KIT: variants seen among roughly 807,000 people sequenced by gnomAD.
KIT encodes KIT proto-oncogene, receptor tyrosine kinase.
A neutral mutation model predicts 105.7 loss-of-function variants in KIT; 16 were observed. The observed-to-expected ratio is 0.15, with a 90% CI of 0.10 to 0.23. The LOEUF (loss-of-function observed/expected upper bound fraction) is 0.23. KIT is among the 10% of genes least tolerant of loss of function. The probability of loss-of-function intolerance (pLI) is 1.00; values close to 1 mark genes in which losing one functional copy is unlikely to be tolerated. For missense variants in KIT, 858 were observed against 1,213.8 expected, an observed-to-expected ratio of 0.71 and a Z score of 4.36; for synonymous variants, 438 against 441.1, an observed-to-expected ratio of 0.99 and a Z score of 0.09.
At chr4:54,707,073 TTC>T in intron 5 of KIT, 23 bp from the exon 6 acceptor site, 2 of 1,337,046 alleles carry the variant, frequency 1.5e-6, no homozygotes, top group Non-Finnish European at 2.1e-6. Context: ...AATGGTTTCT[TTC>T]TGTCTTATTT....
Position 54,723,624 on chromosome 4 carries a change from C to T in KIT, c.1272C>T (p.Gly424=), listed in dbSNP as rs1553891012. 1 of 1,614,072 alleles carries T rather than the reference C, an allele frequency of 6.2e-7. No homozygotes were observed. Among genetic ancestry groups the T allele is most frequent in the Non-Finnish European group, 8.5e-7 (1 of 1,179,966 alleles). Residue 424 remains glycine, a synonymous_variant, in exon 8 of 21, where the codon GGC becomes GGT. Transcript: ENST00000288135. ...EILTYDRLVN[G]MLQCVAAGFP... ...TGACTTACGACAGGCTCGTGAATGG[C>T]ATGCTCCAATGTGTGGCAGCAGGAT... is the stretch of plus-strand genomic sequence containing the variant.
rs775817289 is a variant in KIT, at chr4:54,698,419, A to C, written c.473A>C (p.Lys158Thr). 6 of 1,614,068 alleles carry C rather than the reference A, an allele frequency of 3.7e-6. No homozygotes were observed. The highest frequency in any genetic ancestry group is 1.7e-5 in the Admixed American group (1 of 60,010). ...LKGCQGKPLP[K>T]DLRFIPDPKA... is the part of the protein sequence containing the mutation. The stretch of plus-strand genomic sequence containing the variant: ...GGGTGCCAGGGGAAGCCTCTTCCCA[A>C]GGACTTGAGGTTTATTCCTGACCCC... The change falls in exon 3 of 21, where the codon AAG becomes ACG. Residue 158 changes from lysine to threonine, a missense_variant. Lys to Thr is a moderately conservative substitution (Grantham distance 78). This residue lies in a region of KIT where 401 missense variants were observed against 601.0 expected (regional missense o/e 0.67). Transcript: ENST00000288135.
intron 8 of KIT, among the ~76,000 whole-genome samples, 193 bp from the exon 9 acceptor site, chr4:54,725,664 C>G (rs1347686818): frequency 6.6e-6 from 1 of 152,214 alleles, no homozygotes; most frequent in Non-Finnish European, 1.5e-5. Flanking sequence ...GAAGCCTCCT[C>G]TGCCTTCTCT....
At chr4:54,729,953 C>T (rs777701967) in intron 14 of KIT, among the ~76,000 whole-genome samples, 3 of 152,116 alleles carry the variant, frequency 2.0e-5, no homozygotes, top group Admixed American at 6.6e-5. Flanking sequence ...TTCTTGCCAT[C>T]GACCTCTGGA....
intron 1 of KIT, among the ~76,000 whole-genome samples, chr4:54,691,859 G>C (rs1040313770): frequency 6.6e-6 from 1 of 152,022 alleles, no homozygotes; most frequent in Non-Finnish European, 1.5e-5. Flanking sequence ...GTGTGTGGAG[G>C]GGGCTCTGAA....
At position 54,731,912 on chromosome 4, in the gene KIT, G is replaced by T. The variant is rs754826149; in HGVS notation, c.2275G>T (p.Asp759Tyr). The T allele has an allele frequency of 4.3e-6, 7 of 1,613,608 alleles. No homozygotes were observed. Among genetic ancestry groups the T allele is most frequent in the Non-Finnish European group, 5.9e-6 (7 of 1,179,712 alleles). ...AGATGTGACTCCCGCCATCATGGAG[G>T]ATGACGAGTTGGCCCTAGACTTAGA... The part of the protein sequence containing the change: ...ERDVTPAIME[D>Y]DELALDLEDL... Residue 759 changes from aspartate to tyrosine, a missense_variant, in exon 16 of 21, where the codon GAT becomes TAT. Physicochemically the swap from Asp to Tyr is radical, Grantham distance 160. Around this residue, in one of 7 missense-constraint regions of KIT, gnomAD observed 158 missense variants for 218.7 expected, o/e 0.72. Transcript: ENST00000288135.
chr4:54,731,536 G>C, intron 15 of KIT, 117 bp downstream of exon 15: 1 of 818,726 alleles, frequency 1.2e-6, no homozygotes, highest in East Asian at 2.6e-5. Context: ...TCTGCTTTAT[G>C]GTAGCAGTGC....
chr4:54,698,260 C>CTGA, intron 2 of KIT, 24 bp from the exon 3 acceptor site: 1 of 1,609,566 alleles, frequency 6.2e-7, no homozygotes, highest in South Asian at 1.1e-5. Context: ...ATTCCAACTA[C>CTGA]TGATTTTGGA....
At chr4:54,661,181 A>G (rs900525398) in intron 1 of KIT, among the ~76,000 whole-genome samples, 2 of 152,222 alleles carry the variant, frequency 1.3e-5, no homozygotes, top group African/African-American at 4.8e-5. Flanking sequence ...TAGGTGTGAA[A>G]GAGAACACCC....
Position 54,695,514 on chromosome 4 carries a change from T to C in KIT, c.70T>C (p.Ser24Pro), listed in dbSNP as rs1719995693. 1 of 1,614,186 alleles carries C rather than the reference T, an allele frequency of 6.2e-7. No homozygotes were observed. Among genetic ancestry groups the C allele is most frequent in the Non-Finnish European group, 8.5e-7 (1 of 1,180,010 alleles). ...LLLLLRVQTG[S>P]SQPSVSPGEP... ...CACGATTCTGTTTTTCTTGGCAGGC[T>C]CTTCTCAACCATCTGTGAGTCCAGG... The change falls in exon 2 of 21, where the codon TCT becomes CCT. Residue 24 changes from serine to proline, a missense_variant and splice_region_variant. By Grantham distance (74) the Ser-to-Pro change is moderately conservative. This residue lies in a region of KIT where 46 missense variants were observed against 38.8 expected (regional missense o/e 1.19). Transcript: ENST00000288135.
intron 1 of KIT, among the ~76,000 whole-genome samples, chr4:54,675,968 G>A (rs1048898226): frequency 6.6e-6 from 1 of 152,198 alleles, no homozygotes; most frequent in African/African-American, 2.4e-5. Context: ...AAAGCTTGGG[G>A]ATTCGAGAAA....
chr4:54,733,510 T>C (rs1722731692), intron 17 of KIT: 1 of 313,934 alleles, frequency 3.2e-6, no homozygotes. Context: ...ATGTAGGTCA[T>C]TGAAGGTCAC....
chr4:54,735,161 T>G (rs2213180), intron 17 of KIT, among the ~76,000 whole-genome samples: 22,857 of 152,034 alleles, frequency 0.15, 1,860 homozygotes, highest in South Asian at 0.2. Flanking sequence ...TGTTAGTAAT[T>G]TAAAGAAATG....
intron 7 of KIT, among the ~76,000 whole-genome samples, chr4:54,713,613 G>A (rs771590859): frequency 3.9e-5 from 6 of 152,162 alleles, no homozygotes; most frequent in Non-Finnish European, 5.9e-5. Flanking sequence ...ACACTAATGC[G>A]TAATTGCTTA....
chr4:54,707,467 C>T (rs1304629005), intron 6 of KIT, among the ~76,000 whole-genome samples, 180 bp downstream of exon 6: 1 of 152,170 alleles, frequency 6.6e-6, no homozygotes, highest in African/African-American at 2.4e-5. Flanking sequence ...AGAGCATGCA[C>T]ACTCTTGCAC....
chr4:54,707,121 C>G lies in KIT; in HGVS notation c.949C>G (p.Pro317Ala). ...AGATAAAGGATTCATTAATATCTTCCCCATGATAAACACTACAGTATTTGT... is the reference window on the plus strand; with the variant it reads ...AGATAAAGGATTCATTAATATCTTCGCCATGATAAACACTACAGTATTTGT... ...VVDKGFINIF[P>A]MINTTVFVND... Residue 317 changes from proline (P) to alanine (A), a missense_variant, in exon 6 of 21, where the codon CCC becomes GCC. By Grantham distance (27) the Pro-to-Ala change is conservative. This residue lies in a region of KIT where 401 missense variants were observed against 601.0 expected (regional missense o/e 0.67). Coordinates refer to ENST00000288135, the MANE Select transcript of KIT (RefSeq NM_000222.3). 6.4e-7 allele frequency: 1 copy of G among 1,553,518 alleles called. No individual in the cohort carries two copies. Among genetic ancestry groups the G allele is most frequent in the Non-Finnish European group, 8.9e-7 (1 of 1,125,532 alleles).
chr4:54,669,653 TAGTGAATTATTTTTCTCTCC>T, intron 1 of KIT, among the ~76,000 whole-genome samples: 1 of 151,800 alleles, frequency 6.6e-6, no homozygotes, highest in South Asian at 2.1e-4. Flanking sequence ...GCTTATGTTT[TAGTGAATTATTTTTCTCTCC>T]AGGAGAGAGA....
At chr4:54,705,475 T>C (rs773249593) in intron 5 of KIT, among the ~76,000 whole-genome samples, 1 of 152,196 alleles carries the variant, frequency 6.6e-6, no homozygotes, top group Non-Finnish European at 1.5e-5. Flanking sequence ...TACAACATGA[T>C]GTTATGGGGT....
intron 1 of KIT, among the ~76,000 whole-genome samples, chr4:54,665,347 A>C (rs1266538738): frequency 6.6e-6 from 1 of 152,194 alleles, no homozygotes; most frequent in African/African-American, 2.4e-5. Context: ...TAAGTATCTA[A>C]GGGAGATTTT....
Sources: allele counts gnomAD v4.1 joint callset (sites outside exome capture counted in the v4.1 genomes callset), GRCh38; gene constraint gnomAD v4.1.1; regional missense constraint gnomAD v4.1.1; transcripts MANE v1.5; gene names NCBI Gene and HGNC (gene_info 2026-07-23, HGNC 2026-07-21).